The following SAMD12 variants were observed in gnomAD, a reference collection of about 807,000 sequenced individuals.
The protein encoded by SAMD12 is sterile alpha motif domain-containing protein 12.
A neutral mutation model predicts 15.0 loss-of-function variants in SAMD12; 9 were observed. The ratio of observed to expected loss-of-function variants is 0.60; its 90% CI spans 0.36 to 1.05. The LOEUF is 1.05. SAMD12 is among the 50% of genes least tolerant of loss of function. The probability of loss-of-function intolerance (pLI) is 0.01; values close to 1 mark genes in which losing one functional copy is unlikely to be tolerated. For missense variants in SAMD12, 230 were observed against 234.2 expected, an observed-to-expected ratio of 0.98 and a Z score of 0.12; for synonymous variants, 86 against 90.1, an observed-to-expected ratio of 0.96 and a Z score of 0.25.
At chr8:118,435,167 T>A (rs10282819) in intron 3 of SAMD12, among the ~76,000 whole-genome samples, 2 of 150,708 alleles carry the variant, frequency 1.3e-5, no homozygotes, top group African/African-American at 2.5e-5. Flanking sequence ...AGCAGCCCCC[T>A]TAGCTACGGT....
intron 4 of SAMD12, among the ~76,000 whole-genome samples, chr8:118,265,231 A>G (rs1813171422): frequency 6.6e-6 from 1 of 152,156 alleles, no homozygotes; most frequent in South Asian, 2.1e-4. Context: ...GGCATCTGAC[A>G]TCTTTATGTA....
intron 2 of SAMD12, among the ~76,000 whole-genome samples, chr8:118,497,729 G>C (rs1239647670): frequency 9.5e-5 from 11 of 115,422 alleles, no homozygotes; most frequent in East Asian, 2.6e-4. Flanking sequence ...GTTGCGGGGG[G>C]GGGTGGGGGG....
intron 4 of SAMD12, among the ~76,000 whole-genome samples, chr8:118,203,073 C>T (rs1436076705): frequency 1.3e-5 from 2 of 152,170 alleles, no homozygotes; most frequent in Non-Finnish European, 1.5e-5. Flanking sequence ...AGAGCTGGGA[C>T]TAGAACCCAG....
intron 3 of SAMD12, among the ~76,000 whole-genome samples, chr8:118,402,992 T>G (rs542768189): frequency 2.0e-5 from 3 of 152,254 alleles, no homozygotes; most frequent in Admixed American, 2.0e-4. Flanking sequence ...AAAAACTTGC[T>G]GATAAGCAAT....
chr8:118,523,867 T>C (rs540057523), intron 2 of SAMD12, among the ~76,000 whole-genome samples: 1 of 152,196 alleles, frequency 6.6e-6, no homozygotes, highest in East Asian at 1.9e-4. Context: ...CACCATCAAC[T>C]CTACCACTCA....
chr8:118,320,100 GC>G (rs769361154), intron 4 of SAMD12, among the ~76,000 whole-genome samples: 2 of 152,124 alleles, frequency 1.3e-5, no homozygotes, highest in Non-Finnish European at 2.9e-5. Context: ...AAGCAAGAGA[GC>G]CCCTTGAAGA....
intron 4 of SAMD12, among the ~76,000 whole-genome samples, chr8:118,253,548 A>G (rs1233803349): frequency 1.3e-5 from 2 of 152,184 alleles, no homozygotes; most frequent in East Asian, 3.9e-4. Context: ...GCAGGCCATC[A>G]GTGTGTCTTT....
At chr8:118,532,784 A>G (rs1342169042) in intron 2 of SAMD12, among the ~76,000 whole-genome samples, 6 of 151,916 alleles carry the variant, frequency 3.9e-5, no homozygotes, top group Admixed American at 2.6e-4. Context: ...CGGTGGTGAT[A>G]TCCCCTTTAT....
intron 2 of SAMD12, among the ~76,000 whole-genome samples, chr8:118,515,907 A>G (rs1282283099): frequency 6.6e-6 from 1 of 152,174 alleles, no homozygotes. Context: ...CTTCAATCCC[A>G]TGATCTGCTG....
intron 2 of SAMD12, among the ~76,000 whole-genome samples, chr8:118,500,076 T>C (rs1409405636): frequency 3.6e-5 from 5 of 137,552 alleles, no homozygotes; most frequent in Non-Finnish European, 7.8e-5. Context: ...CCTTTTTTTT[T>C]TTTTTTTTTT....
chr8:118,368,315 C>T (rs1026396992), intron 4 of SAMD12, among the ~76,000 whole-genome samples: 1 of 152,156 alleles, frequency 6.6e-6, no homozygotes, highest in African/African-American at 2.4e-5. Context: ...AAGACCCTAG[C>T]TACAGAAGAA....
Position 118,275,589 on chromosome 8 carries a change from A to C in SAMD12, c.434-77857T>G, listed in dbSNP as rs543115591. Among the ~76,000 whole-genome samples, 3 of 152,320 alleles carry C rather than the reference A, an allele frequency of 2.0e-5. No homozygotes were observed. In the East Asian group the frequency reaches 5.8e-4, roughly 29 times the overall value. On this transcript the variant is annotated intron_variant, in intron 4 of 4. Transcript: ENST00000409003. ...CTTTTATTTTAGATTCAGGAGGCAC[A>C]TGTGCAGGTTTGTTACATAGGTGTA...
chr8:118,213,974 C>G (rs578058158), intron 4 of SAMD12, among the ~76,000 whole-genome samples: 1 of 152,118 alleles, frequency 6.6e-6, no homozygotes, highest in East Asian at 1.9e-4. Context: ...ATTGACCACA[C>G]CCCAACTTCC....
intron 2 of SAMD12, among the ~76,000 whole-genome samples, chr8:118,495,179 T>C (rs531549071): frequency 1.4e-4 from 21 of 152,186 alleles, no homozygotes; most frequent in Non-Finnish European, 2.6e-4. Flanking sequence ...CAGTAACGTA[T>C]GAAACTGGAA....
At chr8:118,437,851 C>T (rs1361146334) in intron 3 of SAMD12, among the ~76,000 whole-genome samples, 4 of 152,178 alleles carry the variant, frequency 2.6e-5, no homozygotes, top group Admixed American at 2.0e-4. Context: ...GACTGTAAGG[C>T]TCATCCTCTT....
the SAMD12 span, among the ~76,000 whole-genome samples, chr8:118,172,807 T>C: frequency 6.6e-6 from 1 of 152,212 alleles, no homozygotes; most frequent in Non-Finnish European, 1.5e-5. Flanking sequence ...GTATACAATA[T>C]AGTTTTGTTA....
chr8:118,401,077 A>G (rs1470366949), intron 3 of SAMD12, among the ~76,000 whole-genome samples: 1 of 152,222 alleles, frequency 6.6e-6, no homozygotes, highest in Non-Finnish European at 1.5e-5. Context: ...GTTAGGTCTA[A>G]AACCACAAAT....
At chr8:118,138,646 G>T in the SAMD12 span, among the ~76,000 whole-genome samples, 1 of 152,194 alleles carries the variant, frequency 6.6e-6, no homozygotes, top group African/African-American at 2.4e-5. Flanking sequence ...TTGTATAGAA[G>T]CCTGAATGGA....
chr8:118,567,806 C>T (rs577855878), intron 2 of SAMD12, among the ~76,000 whole-genome samples: 2 of 152,288 alleles, frequency 1.3e-5, no homozygotes, highest in East Asian at 3.9e-4. Context: ...TGAAAATTCC[C>T]TTTCTAATAA....
Sources: gnomAD v4.1 joint callset for allele counts (sites outside exome capture counted in the v4.1 genomes callset) on GRCh38, gnomAD v4.1.1 for gene constraint, MANE v1.5 for transcripts, NCBI Gene and HGNC (gene_info 2026-07-23, HGNC 2026-07-21) for gene names.